Variants in TLE2 observed in about 807,000 individuals in gnomAD.
TLE2 encodes the protein transducin-like enhancer protein 2.
A neutral mutation model predicts 97.2 loss-of-function variants in TLE2; 74 were observed. The observed-to-expected ratio is 0.76, with a 90% confidence interval of 0.63 to 0.92. TLE2 has a LOEUF of 0.92. TLE2 is among the 40% of genes least tolerant of loss of function. The probability of loss-of-function intolerance (pLI) is 0.00; values close to 1 mark genes in which losing one functional copy is unlikely to be tolerated. For synonymous variants in TLE2, 499 were observed against 432.1 expected (o/e 1.15, Z -1.92); for missense variants, 1,038 against 1,008.7 (o/e 1.03, Z -0.39).
chr19:3,031,342 T>TTGTGTGTGTGTGTG (rs60898410), upstream of TLE2, among the ~76,000 whole-genome samples: 1 of 139,900 alleles, frequency 7.1e-6, no homozygotes, highest in Non-Finnish European at 1.5e-5. Flanking sequence ...AAAGATACAA[T>TTGTGTGTGTGTGTG]TGTGTGTGTG....
chr19:3,019,720 C>A lies in TLE2; in HGVS notation c.348G>T (p.Gly116=), dbSNP rs533253743. The change falls in exon 6 of 20, where the codon GGG becomes GGT. Residue 116 remains glycine (G), a synonymous_variant. Transcript: ENST00000262953. This position sits in a 1 kb window ranked among gnomAD's most constrained non-coding sequence, Gnocchi z 5.1. ...AVERAKQVTV[G]ELNSLIGQQL... ...TCACCCCGATGAGGCTGTTCAGCTC[C>A]CCCACGGTGACCTGCTTGGCGCGTT... 9.9e-6 allele frequency: 16 copies of A among 1,612,338 alleles called. No homozygotes were observed. The highest frequency in any genetic ancestry group is 6.7e-5 in the African/African-American group (5 of 75,012).
In TLE2 at chr19:3,017,792, T is replaced by C. The variant is rs745974197; in HGVS notation, c.570+48A>G. The C allele has an allele frequency of 4.8e-5, 77 of 1,594,110 alleles. No individual in the cohort carries two copies. In the African/African-American group the frequency reaches 5.4e-4, roughly 11 times the overall value. ...GGCCCCCATCAGCTCAGAACCAGCG[T>C]TGGCCTCCCAAGAATATAAAAAGAG... On this transcript the variant is annotated intron_variant, in intron 8 of 19. Coordinates refer to ENST00000262953, the MANE Select transcript of TLE2 (RefSeq NM_003260.5).
intron 1 of TLE2, among the ~76,000 whole-genome samples, chr19:3,040,352 T>C (rs937900840): frequency 6.6e-6 from 1 of 151,736 alleles, no homozygotes; most frequent in Non-Finnish European, 1.5e-5. Flanking sequence ...GTTTGTTTGT[T>C]TTTTTTTTAA....
chr19:3,036,797 TG>T (rs1445181219), intron 1 of TLE2, among the ~76,000 whole-genome samples: 2 of 152,058 alleles, frequency 1.3e-5, no homozygotes, highest in Non-Finnish European at 2.9e-5. Flanking sequence ...GGGCTGACCT[TG>T]GTGGAAACTC....
rs771706784 is a variant in TLE2 at position 3,028,694 on chromosome 19, G to C, written c.122+12C>G. 7 of 1,612,304 alleles carry C rather than the reference G, an allele frequency of 4.3e-6. No individual in the cohort carries two copies. The highest frequency in any genetic ancestry group is 5.9e-6 in the Non-Finnish European group (7 of 1,179,588). On this transcript the variant is annotated intron_variant, in intron 2 of 19. Coordinates refer to ENST00000262953, the MANE Select transcript of TLE2 (RefSeq NM_003260.5). ...GGTGAACTCCCGCGGCCCCTGGGGC[G>C]GCCCCCCTCACCTGTGGTATTGAGC...
upstream of TLE2, among the ~76,000 whole-genome samples, chr19:3,030,487 G>A (rs2090014398): frequency 6.6e-6 from 1 of 152,194 alleles, no homozygotes; most frequent in Non-Finnish European, 1.5e-5. Flanking sequence ...AGACACTGGG[G>A]CACAGCTGGG....
intron 8 of TLE2, 49 bp downstream of exon 8, chr19:3,017,791 G>A (rs774230221): frequency 7.5e-6 from 12 of 1,592,240 alleles, no homozygotes; most frequent in African/African-American, 6.8e-5. Flanking sequence ...CAGAACCAGC[G>A]TTGGCCTCCC....
chr19:3,044,458 C>T (rs1197234767), intron 1 of TLE2, among the ~76,000 whole-genome samples: 1 of 152,204 alleles, frequency 6.6e-6, no homozygotes, highest in African/African-American at 2.4e-5. Flanking sequence ...CCCGCTCTGT[C>T]GCCCAGGCTG....
chr19:3,034,081 TC>T (rs1193803909), upstream of TLE2, among the ~76,000 whole-genome samples: 2 of 151,312 alleles, frequency 1.3e-5, no homozygotes, highest in African/African-American at 4.9e-5. Context: ...CCCCTAGAGG[TC>T]CCCCAGATCT....
At chr19:3,015,576 G>T (rs2089684035) in intron 9 of TLE2, 77 bp downstream of exon 9, 6 of 1,169,506 alleles carry the variant, frequency 5.1e-6, no homozygotes, top group Non-Finnish European at 7.4e-6. Context: ...CCAGAGCTGG[G>T]CTCTGGAAGG....
intron 15 of TLE2, chr19:3,006,193 G>A: frequency 2.0e-6 from 2 of 975,630 alleles, no homozygotes; most frequent in Admixed American, 1.7e-5. Flanking sequence ...TGGTTGGCCT[G>A]CAAACCCTGT....
chr19:3,030,350 C>T (rs1452982866), upstream of TLE2, among the ~76,000 whole-genome samples: 1 of 152,210 alleles, frequency 6.6e-6, no homozygotes, highest in Admixed American at 6.5e-5. Flanking sequence ...AGACATCCAG[C>T]CAGCATCCTT....
At chr19:3,017,453 T>C (rs910370904) in intron 8 of TLE2, among the ~76,000 whole-genome samples, 9 of 46,762 alleles carry the variant, frequency 1.9e-4, no homozygotes, top group African/African-American at 4.7e-4. Flanking sequence ...TCTTTCTTTC[T>C]TTTTTTTTTT....
At chr19:3,016,233 G>A (rs1000135067) in intron 8 of TLE2, among the ~76,000 whole-genome samples, 15 of 150,632 alleles carry the variant, frequency 1.0e-4, no homozygotes, top group Non-Finnish European at 2.2e-4. Context: ...ACCGCAACCA[G>A]CGCCTTACTT....
rs147333656 is a variant in TLE2 at position 3,015,917 on chromosome 19, T to C, written c.571-157A>G. ...TGGGAGCTTCCAACGGCTGACTCAG[T>C]GCTAAGGTTTTGTTCTCTCTTCTGT... On this transcript the variant is annotated intron_variant, in intron 8 of 19. Coordinates refer to ENST00000262953, the MANE Select transcript of TLE2 (RefSeq NM_003260.5). 8.9e-4 allele frequency: 625 copies of C among 702,230 alleles called. 3 individuals carry two copies. In the African/African-American group the frequency reaches 0.01, roughly 11 times the overall value. 43.5% of individuals were successfully genotyped at this position (702,230 alleles called of 1,614,324 possible).
Position 2,999,671 on chromosome 19 carries a change from A to G in TLE2, c.2124+976T>C, listed in dbSNP as rs148855163. On this transcript the variant is annotated intron_variant, in intron 19 of 19. Coordinates refer to ENST00000262953, the MANE Select transcript of TLE2 (RefSeq NM_003260.5). ...GAACCCAGGAGGCAGAGCTTGCAGT[A>G]AGCAGAGATAGTGCCGCTGCACTCC... is the stretch of plus-strand genomic sequence containing the variant. Among the ~76,000 whole-genome samples, 1,179 of 144,206 alleles carry G rather than the reference A, an allele frequency of 8.2e-3. 39 individuals are homozygous for G. The East Asian group carries it at 0.11, about 13-fold the overall frequency. 94.6% of individuals were successfully genotyped at this position (144,206 alleles called of 152,430 possible).
At chr19:3,025,185 G>A (rs1568248569) in intron 4 of TLE2, 103 bp from the exon 5 acceptor site, 3 of 1,257,870 alleles carry the variant, frequency 2.4e-6, no homozygotes, top group Non-Finnish European at 3.3e-6. Flanking sequence ...AAGGGTTGGG[G>A]AGGTGACGCC....
chr19:3,045,644 A>C (rs1300232521), intron 1 of TLE2: 2 of 375,298 alleles, frequency 5.3e-6, no homozygotes, highest in South Asian at 3.8e-5. Flanking sequence ...TGGTGAAACC[A>C]CCCCCCACCC....
intron 1 of TLE2, among the ~76,000 whole-genome samples, chr19:3,040,591 G>A (rs1239356007): frequency 4.0e-5 from 6 of 151,714 alleles, no homozygotes; most frequent in Admixed American, 1.3e-4. Context: ...CTCCTGCCTC[G>A]GCCACCTGAA....
Sources: gnomAD v4.1 joint callset for allele counts (sites outside exome capture counted in the v4.1 genomes callset) on GRCh38, gnomAD v4.1.1 for gene constraint, Gnocchi (gnomAD v3.1) non-coding constraint, MANE v1.5 for transcripts, NCBI Gene and HGNC (gene_info 2026-07-23, HGNC 2026-07-21) for gene names.